Variants in ZCWPW2 observed in about 807,000 individuals in gnomAD.
ZCWPW2 encodes zinc finger CW-type and PWWP domain containing 2.
ZCWPW2 carries 45 observed loss-of-function variants against 46.6 expected under a neutral mutation model. The observed-to-expected ratio is 0.96, with a 90% CI of 0.76 to 1.24. ZCWPW2 has a LOEUF of 1.24. Among genes scored for constraint, ZCWPW2 ranks in the 50% most tolerant of loss-of-function variants. The pLI is 0.00. For missense variants in ZCWPW2, 429 were observed against 403.9 expected (o/e 1.06, Z -0.53); for synonymous variants, 152 against 137.1 (o/e 1.11, Z -0.76).
At chr3:28,435,338 G>T in intron 4 of ZCWPW2, 69 bp downstream of exon 4, 1 of 1,468,172 alleles carries the variant, frequency 6.8e-7, no homozygotes, top group Non-Finnish European at 9.1e-7. Flanking sequence ...TTTTATCTTT[G>T]ATCATAAAAT....
intron 5 of ZCWPW2, among the ~76,000 whole-genome samples, chr3:28,482,178 A>G (rs976671776): frequency 3.3e-5 from 5 of 152,106 alleles, no homozygotes; most frequent in African/African-American, 1.2e-4. Flanking sequence ...TTCCCTGGCA[A>G]CTACTGATTT....
intron 5 of ZCWPW2, among the ~76,000 whole-genome samples, chr3:28,484,497 A>T (rs184699041): frequency 0.012 from 1,761 of 152,222 alleles, 20 homozygotes; most frequent in Non-Finnish European, 0.019. Flanking sequence ...TTTTTGCGAA[A>T]ATTTTAGCAG....
At position 28,498,811 on chromosome 3, in the gene ZCWPW2, C is replaced by G. The variant is rs1050778920; in HGVS notation, c.657+6638C>G. Among the ~76,000 whole-genome samples, 3 of 152,088 alleles carry G rather than the reference C, an allele frequency of 2.0e-5. 1 individual carries two copies. Among genetic ancestry groups the G allele is most frequent in the Middle Eastern group, 6.8e-3 (2 of 294 alleles). ...CTATCCCTCCCCTAGCCAGCCACCC[C>G]CCAACAGGCCTCAGTGTGTGATGTT... is the stretch of plus-strand genomic sequence containing the variant. On this transcript the variant is annotated intron_variant, in intron 6 of 9. Transcript: ENST00000383768.
chr3:28,472,722 T>C (rs1699083788), intron 4 of ZCWPW2, among the ~76,000 whole-genome samples: 2 of 151,890 alleles, frequency 1.3e-5, no homozygotes, highest in South Asian at 4.2e-4. Flanking sequence ...AGTGGACAAA[T>C]TGGATAACAT....
chr3:28,492,307 A>G (rs922302189), intron 6 of ZCWPW2, 134 bp downstream of exon 6: 41 of 739,454 alleles, frequency 5.5e-5, no homozygotes, highest in Admixed American at 2.5e-4. Flanking sequence ...TTACTTTAGT[A>G]TATGTTTCCT....
chr3:28,410,450 A>C (rs537399020), intron 2 of ZCWPW2, among the ~76,000 whole-genome samples: 10 of 152,142 alleles, frequency 6.6e-5, no homozygotes, highest in South Asian at 6.2e-4. Context: ...AACATTCACA[A>C]GTGTTGTTAA....
intron 4 of ZCWPW2, among the ~76,000 whole-genome samples, chr3:28,463,809 C>T (rs1410979241): frequency 6.6e-6 from 1 of 151,000 alleles, no homozygotes; most frequent in African/African-American, 2.4e-5. Context: ...CCACTGCAGT[C>T]CAGACTGTTC....
chr3:28,440,812 G>T (rs1279458585), intron 4 of ZCWPW2, among the ~76,000 whole-genome samples: 1 of 152,190 alleles, frequency 6.6e-6, no homozygotes, highest in Non-Finnish European at 1.5e-5. Context: ...TTGTGTGCAG[G>T]TTAGGCAAAC....
rs1695033026 is a variant in ZCWPW2 at position 28,380,946 on chromosome 3, A to ATATATATATATATATTTGG, written c.-133-9537_-133-9536insTTGGTATATATATATATAT. Among the ~76,000 whole-genome samples, 2 of 34,770 alleles carry ATATATATATATATATTTGG rather than the reference A, an allele frequency of 5.8e-5. 1 individual carries two copies. Among genetic ancestry groups the ATATATATATATATATTTGG allele is most frequent in the Non-Finnish European group, 9.9e-5 (2 of 20,120 alleles). 22.8% of individuals were successfully genotyped at this position (34,770 alleles called of 152,430 possible). On this transcript the variant is annotated intron_variant, in intron 1 of 9. Transcript: ENST00000383768. Reference sequence around the variant, plus strand: ...ATATATATATTTGGTATATATATATATATATATATATATATATATATATAT... The same window carrying ATATATATATATATATTTGG: ...ATATATATATTTGGTATATATATATATATATATATATATATTTGGTATATATATATATATATATATATAT...
rs192870198 is a variant in ZCWPW2 at position 28,469,665 on chromosome 3, G to A, written c.493-9149G>A. 1.8e-3 allele frequency among the ~76,000 whole-genome samples: 278 copies of A among 151,460 alleles called. 3 individuals are homozygous for A. Among genetic ancestry groups the A allele is most frequent in the Admixed American group, 0.017 (251 of 15,186 alleles). On this transcript the variant is annotated intron_variant, in intron 4 of 9. Transcript: ENST00000383768. ...TGATAAAGGAGTTCATTCATCAAGAGGATATAACAGTTGTAAATATGTATA... is the reference window on the plus strand; with the variant it reads ...TGATAAAGGAGTTCATTCATCAAGAAGATATAACAGTTGTAAATATGTATA...
rs60492848 is a variant in ZCWPW2, at chr3:28,395,211, A to G, written c.-14+4594A>G. Among the ~76,000 whole-genome samples, 1,046 of 152,240 alleles carry G rather than the reference A, an allele frequency of 6.9e-3. 10 individuals are homozygous for G. Among genetic ancestry groups the G allele is most frequent in the African/African-American group, 0.023 (944 of 41,544 alleles). On this transcript the variant is annotated intron_variant, in intron 2 of 9. Transcript: ENST00000383768. ...AAATGCAAATCAAAACCACAATGAG[A>G]TAACTCTTCATACCTGCAAGGGTGG...
chr3:28,376,018 C>T (rs1227597579), intron 1 of ZCWPW2, among the ~76,000 whole-genome samples: 2 of 151,818 alleles, frequency 1.3e-5, no homozygotes, highest in African/African-American at 2.4e-5. Flanking sequence ...GAATATGTAC[C>T]ACATTTTCTT....
intron 2 of ZCWPW2, among the ~76,000 whole-genome samples, chr3:28,407,523 T>C (rs1696214072): frequency 6.6e-6 from 1 of 152,118 alleles, no homozygotes; most frequent in South Asian, 2.1e-4. Context: ...GGGTAATAAG[T>C]AGTACTCTTA....
chr3:28,525,645 G>A lies in ZCWPW2; in HGVS notation c.*957G>A, dbSNP rs1312521504. ...TTGCCTCATATTGCTTTAACAAGGA[G>A]GCAGCACATGTCTAGATATTAAAAA... is the stretch of plus-strand genomic sequence containing the variant. On this transcript the variant is annotated 3_prime_UTR_variant, in exon 10 of 10. Transcript: ENST00000383768. 6.6e-6 allele frequency among the ~76,000 whole-genome samples: 1 copy of A among 152,072 alleles called. No individual in the cohort carries two copies. Among genetic ancestry groups the A allele is most frequent in the Non-Finnish European group, 1.5e-5 (1 of 68,014 alleles).
At chr3:28,515,439 C>T in intron 7 of ZCWPW2, 115 bp from the exon 8 acceptor site, 1 of 784,506 alleles carries the variant, frequency 1.3e-6, no homozygotes, top group Non-Finnish European at 2.0e-6. Context: ...AAGAGAATTA[C>T]CTTTAGAAAA....
At chr3:28,434,450 T>C (rs1230949769) in intron 3 of ZCWPW2, among the ~76,000 whole-genome samples, 1 of 152,236 alleles carries the variant, frequency 6.6e-6, no homozygotes, top group Non-Finnish European at 1.5e-5. Flanking sequence ...TAGAGGTTTA[T>C]GTCATGAAAT....
chr3:28,504,016 T>C (rs1407598788), intron 6 of ZCWPW2, among the ~76,000 whole-genome samples: 1 of 151,840 alleles, frequency 6.6e-6, no homozygotes, highest in East Asian at 1.9e-4. Context: ...GGTAACATCG[T>C]GAAACTTTTT....
chr3:28,501,191 G>A (rs2125824523), intron 6 of ZCWPW2, among the ~76,000 whole-genome samples: 1 of 152,282 alleles, frequency 6.6e-6, no homozygotes, highest in South Asian at 2.1e-4. Flanking sequence ...AGAATGATCA[G>A]CTTTTGTAAG....
intron 1 of ZCWPW2, 21 bp downstream of exon 1, chr3:28,349,224 CT>C: frequency 1.0e-6 from 1 of 984,822 alleles, no homozygotes; most frequent in Non-Finnish European, 1.2e-6. Context: ...TACCAGCCGT[CT>C]TGTCTGTTGG....
Sources: allele counts gnomAD v4.1 joint callset (sites outside exome capture counted in the v4.1 genomes callset), GRCh38; gene constraint gnomAD v4.1.1; transcripts MANE v1.5; gene names NCBI Gene and HGNC (gene_info 2026-07-23, HGNC 2026-07-21).